Variants in EXD3 observed in about 807,000 individuals in gnomAD.
EXD3 encodes the protein exonuclease 3'-5' domain containing 3, also known as exonuclease mut-7 homolog.
In EXD3, 92 loss-of-function variants were observed where a neutral mutation model predicts 98.0. The ratio of observed to expected loss-of-function variants is 0.94; its 90% confidence interval spans 0.79 to 1.12. The LOEUF (loss-of-function observed/expected upper bound fraction) is 1.12. EXD3 is among the 50% of genes most tolerant of loss of function. The probability of loss-of-function intolerance (pLI) is 0.00; values close to 1 mark genes in which losing one functional copy is unlikely to be tolerated. For missense variants in EXD3, 1,222 were observed against 1,191.6 expected (o/e 1.03, Z -0.38); for synonymous variants, 569 against 526.0 (o/e 1.08, Z -1.12).
chr9:137,397,787 T>A (rs1312338586), intron 1 of EXD3, among the ~76,000 whole-genome samples: 1 of 151,832 alleles, frequency 6.6e-6, no homozygotes. Flanking sequence ...TACAAAAAAA[T>A]TAAAAAGTAG....
intron 17 of EXD3, among the ~76,000 whole-genome samples, chr9:137,342,570 T>G (rs1210897488): frequency 6.6e-6 from 1 of 152,198 alleles, no homozygotes; most frequent in Non-Finnish European, 1.5e-5. Context: ...ACCCGCTGCC[T>G]GGCATATACC....
chr9:137,322,243 C>T (rs974869616), intron 19 of EXD3, among the ~76,000 whole-genome samples: 1 of 152,136 alleles, frequency 6.6e-6, no homozygotes, highest in Non-Finnish European at 1.5e-5. Flanking sequence ...CCATGGGAGC[C>T]AGAGGGAATT....
At chr9:137,410,672 C>T (rs1181668135) in intron 1 of EXD3, among the ~76,000 whole-genome samples, 1 of 152,140 alleles carries the variant, frequency 6.6e-6, no homozygotes, top group Non-Finnish European at 1.5e-5. Flanking sequence ...ACAGCTGGGT[C>T]CCTACCCACA....
intron 1 of EXD3, among the ~76,000 whole-genome samples, chr9:137,397,800 G>A (rs565363143): frequency 1.2e-4 from 19 of 152,204 alleles, no homozygotes; most frequent in African/African-American, 3.1e-4. Context: ...AAAAGTAGCC[G>A]GGTGTGGTGG....
intron 1 of EXD3, among the ~76,000 whole-genome samples, chr9:137,400,904 G>A (rs1000080042): frequency 6.6e-6 from 1 of 152,170 alleles, no homozygotes; most frequent in African/African-American, 2.4e-5. Context: ...CTCACATCCA[G>A]GTCATGCTGA....
Position 137,372,999 on chromosome 9 carries a change from G to T in EXD3, c.368C>A (p.Ala123Glu). 6.2e-7 allele frequency: 1 copy of T among 1,605,156 alleles called. No homozygotes were observed. The change falls in exon 5 of 22, where the codon GCA (alanine) becomes GAA (glutamate). Residue 123 changes from alanine (A) to glutamate (E), a missense_variant. Ala to Glu is a moderately radical substitution (Grantham distance 107, BLOSUM62 -1). Transcript: ENST00000340951. ...CAGCTGGAAGATGCTGGCCAGTGGT[G>T]CCGCAAGGCTGGGGGGGCTCTCAGT... is the stretch of plus-strand genomic sequence containing the variant. ...VLTESPPSLAAPLASIFQLQD... is the reference protein window; with the variant it reads ...VLTESPPSLAEPLASIFQLQD...
At chr9:137,355,602 A>C (rs1378382584) in intron 8 of EXD3, among the ~76,000 whole-genome samples, 1 of 37,744 alleles carries the variant, frequency 2.6e-5, no homozygotes, top group African/African-American at 1.0e-4. Context: ...GGGCGGAAGG[A>C]GAAAGGAGGA....
intron 3 of EXD3, 102 bp downstream of exon 3, chr9:137,383,211 G>C: frequency 1.0e-6 from 1 of 978,010 alleles, no homozygotes; most frequent in Non-Finnish European, 1.6e-6. Context: ...GGGGGGCTGT[G>C]CAGCTTCCTG....
chr9:137,356,509 C>CA, intron 7 of EXD3, 141 bp from the exon 8 acceptor site: 1 of 616,668 alleles, frequency 1.6e-6, no homozygotes, highest in Non-Finnish European at 2.9e-6. Context: ...CACCGCCCCC[C>CA]GCCCACCCCA....
chr9:137,332,572 A>G (rs140883540), intron 17 of EXD3, among the ~76,000 whole-genome samples: 2,764 of 146,252 alleles, frequency 0.019, 100 homozygotes, highest in East Asian at 0.17. Context: ...GGCCAGGCGC[A>G]GTGGCTCACG....
intron 5 of EXD3, among the ~76,000 whole-genome samples, chr9:137,368,793 G>T (rs1439631434): frequency 6.6e-6 from 1 of 151,200 alleles, no homozygotes; most frequent in Non-Finnish European, 1.5e-5. Flanking sequence ...CGCCTCTACT[G>T]TCTGGCCAGG....
chr9:137,369,840 G>A (rs915558967), intron 5 of EXD3, among the ~76,000 whole-genome samples: 2 of 152,212 alleles, frequency 1.3e-5, no homozygotes, highest in African/African-American at 4.8e-5. Context: ...TCTTCACCAC[G>A]GCCATTCAGA....
intron 1 of EXD3, among the ~76,000 whole-genome samples, chr9:137,420,216 G>A (rs1838450233): frequency 6.6e-6 from 1 of 151,910 alleles, no homozygotes; most frequent in South Asian, 2.1e-4. Context: ...ATAGAGGCCT[G>A]AAATGCTTTT....
At position 137,383,382 on chromosome 9, in the gene EXD3, G is replaced by A; in HGVS notation, c.56-5C>T. On this transcript the variant is annotated splice_polypyrimidine_tract_variant and splice_region_variant and intron_variant, in intron 2 of 21. Coordinates refer to ENST00000340951, the MANE Select transcript of EXD3 (RefSeq NM_017820.5). ...GGAGCAGGAGGGGGTCCCGGCCTGT[G>A]GAGATAAGATAACAGCCGTGGGAGG... 6.5e-7 allele frequency: 1 copy of A among 1,544,040 alleles called. No individual in the cohort carries two copies.
intron 17 of EXD3, among the ~76,000 whole-genome samples, chr9:137,339,000 A>C (rs1833516175): frequency 3.3e-5 from 5 of 152,100 alleles, no homozygotes; most frequent in Admixed American, 2.6e-4. Context: ...AGCTGCAGAC[A>C]CAGCAGAGCC....
At chr9:137,404,684 A>C (rs749947220) in intron 1 of EXD3, among the ~76,000 whole-genome samples, 6 of 152,276 alleles carry the variant, frequency 3.9e-5, no homozygotes, top group Non-Finnish European at 5.9e-5. Flanking sequence ...AACATGGAGA[A>C]ACCCCATTTC....
chr9:137,309,045 G>A (rs1296212488), intron 20 of EXD3, among the ~76,000 whole-genome samples: 8 of 152,220 alleles, frequency 5.3e-5, no homozygotes, highest in South Asian at 2.1e-4. Flanking sequence ...TCCCTGGGGC[G>A]CCTCCCTCCC....
chr9:137,384,736 G>T (rs997214195), intron 2 of EXD3, among the ~76,000 whole-genome samples: 1 of 152,312 alleles, frequency 6.6e-6, no homozygotes, highest in Admixed American at 6.5e-5. Flanking sequence ...AAACAGAAAT[G>T]GCCATTTCAA....
chr9:137,400,629 G>A (rs1837435559), intron 1 of EXD3, among the ~76,000 whole-genome samples: 1 of 152,112 alleles, frequency 6.6e-6, no homozygotes, highest in Admixed American at 6.6e-5. Context: ...GCCGGGCGTG[G>A]TGGCACCCAC....
Sources: gnomAD v4.1 joint callset for allele counts (sites outside exome capture counted in the v4.1 genomes callset) on GRCh38, gnomAD v4.1.1 for gene constraint, MANE v1.5 for transcripts, NCBI Gene and HGNC (gene_info 2026-07-23, HGNC 2026-07-21) for gene names.